The following COL25A1 variants were observed in gnomAD, a reference collection of about 807,000 sequenced individuals.
COL25A1 encodes the protein collagen alpha-1(XXV) chain.
In COL25A1, 103 loss-of-function variants were observed where a neutral mutation model predicts 128.4. The ratio of observed to expected loss-of-function variants is 0.80; its 90% confidence interval spans 0.68 to 0.94. COL25A1 has a LOEUF of 0.94. Among genes scored for constraint, COL25A1 ranks in the 40% least tolerant of loss-of-function variants. The pLI, the probability that COL25A1 is intolerant of heterozygous loss-of-function variation, is 0.00. For missense variants in COL25A1, 745 were observed against 840.0 expected, an observed-to-expected ratio of 0.89 and a Z score of 1.40; for synonymous variants, 279 against 277.2, an observed-to-expected ratio of 1.01 and a Z score of -0.06.
rs537873014 is a variant in COL25A1 at position 109,247,396 on chromosome 4, C to T, written c.367+53187G>A. On this transcript the variant is annotated intron_variant, in intron 3 of 37. Transcript: ENST00000399132. ...ATTGAAAATGTGGAAATGAGCCCAT[C>T]GTGGAAGGCTTGAATGTCAGGTAAG... Among the ~76,000 whole-genome samples, 4 of 151,932 alleles carry T rather than the reference C, an allele frequency of 2.6e-5. No homozygotes were observed. In the East Asian group the frequency reaches 5.8e-4, roughly 22 times the overall value.
intron 3 of COL25A1, among the ~76,000 whole-genome samples, chr4:109,081,628 C>A (rs1000459471): frequency 2.0e-5 from 3 of 152,092 alleles, no homozygotes; most frequent in Non-Finnish European, 4.4e-5. Flanking sequence ...AAAACCCATA[C>A]CCTTTAGCTA....
At chr4:109,111,909 A>C (rs912315362) in intron 3 of COL25A1, among the ~76,000 whole-genome samples, 5 of 152,172 alleles carry the variant, frequency 3.3e-5, no homozygotes, top group Non-Finnish European at 5.9e-5. Flanking sequence ...GTAGTTCAAT[A>C]GCATTTTTCT....
Position 108,951,882 on chromosome 4 carries a change from T to C in COL25A1, c.493-10445A>G, listed in dbSNP as rs373159888. On this transcript the variant is annotated intron_variant, in intron 8 of 37. Transcript: ENST00000399132. ...AGGCCCCTAAGGGTGTCAGACAATATGCATAGCATGAACTAAATTAACTTT... is the reference window on the plus strand; with the variant it reads ...AGGCCCCTAAGGGTGTCAGACAATACGCATAGCATGAACTAAATTAACTTT... Among the ~76,000 whole-genome samples the C allele has an allele frequency of 3.7e-4, 56 of 152,320 alleles. No homozygotes were observed. The East Asian group carries it at 8.7e-3, about 24-fold the overall frequency.
intron 3 of COL25A1, among the ~76,000 whole-genome samples, chr4:109,256,490 GTTT>G (rs1459014032): frequency 6.6e-6 from 1 of 152,044 alleles, no homozygotes; most frequent in Non-Finnish European, 1.5e-5. Flanking sequence ...ATCTCAAAGG[GTTT>G]TTTAATTTAT....
In COL25A1 at chr4:109,301,959, T is replaced by C. The variant is rs1374161438; in HGVS notation, c.61A>G (p.Thr21Ala). 1.9e-6 allele frequency: 3 copies of C among 1,611,804 alleles called. No individual in the cohort carries two copies. Among genetic ancestry groups the C allele is most frequent in the African/African-American group, 2.7e-5 (2 of 74,886 alleles). ...GGREPRSEDP[T>A]PAEQHCARTM... Reference sequence around the variant, plus strand: ...CGGGCACAATGCTGTTCGGCAGGGGTCGGGTCCTCGGATCTGGGCTCCCGG... The same window carrying C: ...CGGGCACAATGCTGTTCGGCAGGGGCCGGGTCCTCGGATCTGGGCTCCCGG... The change falls in exon 2 of 38, where the codon ACC becomes GCC. Residue 21 changes from threonine to alanine, a missense_variant. By Grantham distance (58) the Thr-to-Ala change is moderately conservative (BLOSUM62 0). Coordinates refer to ENST00000399132, the MANE Select transcript of COL25A1 (RefSeq NM_198721.4).
At chr4:109,079,681 A>T (rs1273128418) in intron 3 of COL25A1, among the ~76,000 whole-genome samples, 1 of 152,078 alleles carries the variant, frequency 6.6e-6, no homozygotes, top group Non-Finnish European at 1.5e-5. Context: ...TGCAAAACTT[A>T]AGAAAAAAAA....
At chr4:108,928,635 C>T (rs1346824840) in intron 11 of COL25A1, among the ~76,000 whole-genome samples, 2 of 152,018 alleles carry the variant, frequency 1.3e-5, no homozygotes, top group Non-Finnish European at 2.9e-5. Flanking sequence ...CTCCACCTTC[C>T]AGCCTCAAGC....
chr4:108,909,628 A>G (rs1743974296), intron 13 of COL25A1, among the ~76,000 whole-genome samples: 2 of 152,246 alleles, frequency 1.3e-5, no homozygotes, highest in African/African-American at 4.8e-5. Context: ...ATTTGAACAA[A>G]GGAAATGTAA....
At chr4:109,152,993 A>G (rs1397031141) in intron 3 of COL25A1, among the ~76,000 whole-genome samples, 1 of 152,172 alleles carries the variant, frequency 6.6e-6, no homozygotes, top group African/African-American at 2.4e-5. Context: ...ATGTACCGCA[A>G]AACTATACAT....
chr4:109,081,929 C>T (rs1294008856), intron 3 of COL25A1, among the ~76,000 whole-genome samples: 1 of 152,114 alleles, frequency 6.6e-6, no homozygotes, highest in Non-Finnish European at 1.5e-5. Flanking sequence ...GTCTCGAACT[C>T]CTGACCTTAG....
Position 109,074,504 on chromosome 4 carries a change from T to C in COL25A1, c.368-24325A>G, listed in dbSNP as rs554363568. On this transcript the variant is annotated intron_variant, in intron 3 of 37. Transcript: ENST00000399132. ...ATGAAATGTACAACATTCATTCATA[T>C]GCCAAATTATATGAAATGTTAAACA... Among the ~76,000 whole-genome samples, 4 of 152,356 alleles carry C rather than the reference T, an allele frequency of 2.6e-5. No individual in the cohort carries two copies. The South Asian group carries it at 6.2e-4, about 24-fold the overall frequency.
At chr4:109,142,940 T>C (rs1479942869) in intron 3 of COL25A1, among the ~76,000 whole-genome samples, 4 of 152,164 alleles carry the variant, frequency 2.6e-5, no homozygotes, top group African/African-American at 9.7e-5. Flanking sequence ...TGTGAATTTC[T>C]TACTGTCATT....
chr4:109,119,842 T>C (rs1215062339), intron 3 of COL25A1, among the ~76,000 whole-genome samples: 1 of 152,034 alleles, frequency 6.6e-6, no homozygotes, highest in East Asian at 1.9e-4. Context: ...AAAGAAAGCC[T>C]ATCAATCAAT....
chr4:109,095,586 C>T (rs921116858), intron 3 of COL25A1, among the ~76,000 whole-genome samples: 1 of 152,170 alleles, frequency 6.6e-6, no homozygotes, highest in Admixed American at 6.5e-5. Flanking sequence ...AGAGATCACG[C>T]AGAGACAATG....
chr4:108,856,611 C>CT (rs1736539532), intron 24 of COL25A1, among the ~76,000 whole-genome samples: 2 of 152,050 alleles, frequency 1.3e-5, no homozygotes, highest in Non-Finnish European at 2.9e-5. Flanking sequence ...GAAAAGATAA[C>CT]TATAAGCTAT....
intron 3 of COL25A1, among the ~76,000 whole-genome samples, chr4:109,231,113 C>A (rs1435217457): frequency 6.6e-6 from 1 of 151,710 alleles, no homozygotes; most frequent in Non-Finnish European, 1.5e-5. Context: ...TGCACTCCAG[C>A]CTGGGAACAG....
At chr4:109,273,783 C>A (rs1429233128) in intron 3 of COL25A1, among the ~76,000 whole-genome samples, 1 of 152,090 alleles carries the variant, frequency 6.6e-6, no homozygotes, top group African/African-American at 2.4e-5. Context: ...TACCCCTGAG[C>A]CTCAGTTTTC....
intron 3 of COL25A1, among the ~76,000 whole-genome samples, chr4:109,207,176 TG>T (rs1245063246): frequency 6.6e-6 from 1 of 152,098 alleles, no homozygotes; most frequent in Non-Finnish European, 1.5e-5. Flanking sequence ...AAGAGCCAAA[TG>T]TTTCTGCACA....
chr4:109,179,297 C>T (rs1774407835), intron 3 of COL25A1, among the ~76,000 whole-genome samples: 2 of 152,220 alleles, frequency 1.3e-5, no homozygotes, highest in African/African-American at 4.8e-5. Flanking sequence ...CCTCACCTCC[C>T]CCCACTGCAC....
Sources: allele counts gnomAD v4.1 joint callset (sites outside exome capture counted in the v4.1 genomes callset), GRCh38; gene constraint gnomAD v4.1.1; transcripts MANE v1.5; gene names NCBI Gene and HGNC (gene_info 2026-07-23, HGNC 2026-07-21).